TRNP1: variants seen among roughly 807,000 people sequenced by gnomAD.
TRNP1 encodes TMF1 regulated nuclear protein 1.
TRNP1 carries 16 observed loss-of-function variants against 12.2 expected under a neutral mutation model. The observed-to-expected ratio is 1.31, with a 90% confidence interval of 0.89 to 1.99. The LOEUF (loss-of-function observed/expected upper bound fraction) is 1.99, where lower values mean the gene tolerates loss of function less well. Ranked by LOEUF, TRNP1 falls within the 30% of genes most tolerant of loss-of-function variation. TRNP1 has a pLI of 0.00. For missense variants in TRNP1, 338 were observed against 330.4 expected (o/e 1.02, Z -0.18); for synonymous variants, 139 against 166.2 (o/e 0.84, Z 1.26).
chr1:26,996,479 A>G (rs1187758047), intron 1 of TRNP1, among the ~76,000 whole-genome samples: 4 of 152,326 alleles, frequency 2.6e-5, no homozygotes, highest in East Asian at 3.9e-4. Flanking sequence ...GAAGGGGGCA[A>G]TGCCATCCTC....
At chr1:26,997,947 G>A (rs1412879152) in intron 1 of TRNP1, among the ~76,000 whole-genome samples, 1 of 152,166 alleles carries the variant, frequency 6.6e-6, no homozygotes, top group Non-Finnish European at 1.5e-5. Flanking sequence ...AGCTGCAGGG[G>A]CCTGGGAGAA....
intron 1 of TRNP1, among the ~76,000 whole-genome samples, chr1:26,997,958 C>T (rs1229262992): frequency 6.6e-6 from 1 of 152,108 alleles, no homozygotes; most frequent in East Asian, 1.9e-4. Context: ...CCTGGGAGAA[C>T]GAGCAGGGTA....
rs946792352 is a variant in TRNP1 at position 26,994,137 on chromosome 1, G to A, written c.351G>A (p.Arg117=). ...GGCTGCTGGAGGTGGAGGGCCGCCGGCGCCTGGTGTCGGAGCTGGAGAGCC... is the reference window on the plus strand; with the variant it reads ...GGCTGCTGGAGGTGGAGGGCCGCCGACGCCTGGTGTCGGAGCTGGAGAGCC... ...RRRLLEVEGR[R]RLVSELESRV... Residue 117 remains arginine (R), a synonymous_variant, in exon 1 of 2, where the codon CGG becomes CGA. Coordinates refer to ENST00000522111, the MANE Select transcript of TRNP1 (RefSeq NM_001013642.3). The surrounding 1 kb of genome is among the most constrained non-coding windows in gnomAD (Gnocchi z 6.9). 8.0e-6 allele frequency: 10 copies of A among 1,247,732 alleles called. No individual in the cohort carries two copies. The Admixed American group carries it at 2.3e-4, about 29-fold the overall frequency. The allele number at this position is 1,247,732 out of a possible 1,614,324, so 77.3% of individuals were successfully genotyped here.
chr1:26,994,220 C>G lies in TRNP1; in HGVS notation c.434C>G (p.Ala145Gly). 1.6e-6 allele frequency: 2 copies of G among 1,273,930 alleles called. No individual in the cohort carries two copies. Among genetic ancestry groups the G allele is most frequent in the Non-Finnish European group, 2.0e-6 (2 of 1,006,188 alleles). The allele number at this position is 1,273,930 out of a possible 1,614,324, so 78.9% of individuals were successfully genotyped here. Residue 145 changes from alanine to glycine, a missense_variant, in exon 1 of 2, where the codon GCG becomes GGG. By Grantham distance (60) the Ala-to-Gly change is moderately conservative. Transcript: ENST00000522111. The surrounding 1 kb of genome is among the most constrained non-coding windows in gnomAD (Gnocchi z 6.9). Reference sequence around the variant, plus strand: ...GCCGAGCTGCGCCTGGCGCACCGCGCGGAGAGCCTGAGCCGCCTGAGCGGC... The same window carrying G: ...GCCGAGCTGCGCCTGGCGCACCGCGGGGAGAGCCTGAGCCGCCTGAGCGGC... The part of the protein sequence containing the change: ...LAAELRLAHR[A>G]ESLSRLSGGV...
In TRNP1 at chr1:26,994,545, G is replaced by T. The variant is rs1035827461; in HGVS notation, c.*75G>T. 9.6e-7 allele frequency: 1 copy of T among 1,039,350 alleles called. No individual in the cohort carries two copies. Among genetic ancestry groups the T allele is most frequent in the Non-Finnish European group, 1.2e-6 (1 of 854,102 alleles). 64.4% of individuals were successfully genotyped at this position (1,039,350 alleles called of 1,614,324 possible). ...GACCGACCGACTGATCGCGGACGCC[G>T]GCTGGAAGGACTACGGATCCGCAGG... On this transcript the variant is annotated 3_prime_UTR_variant, in exon 1 of 2. Transcript: ENST00000522111. This position sits in a 1 kb window ranked among gnomAD's most constrained non-coding sequence, Gnocchi z 6.9.
At position 26,995,589 on chromosome 1, in the gene TRNP1, CCTT is replaced by C. The variant is rs113140807; in HGVS notation, c.*142+985_*142+987del. 1.8e-3 allele frequency among the ~76,000 whole-genome samples: 274 copies of C among 152,336 alleles called. 2 individuals carry two copies. The highest frequency in any genetic ancestry group is 6.2e-3 in the African/African-American group (259 of 41,580). On this transcript the variant is annotated intron_variant, in intron 1 of 1. Transcript: ENST00000522111. ...GGTGACGTTAACCCAGGGCAGAGGTCCTTCTTCTTCCTCACTAAATCATGGAAA... is the reference window on the plus strand; with the variant it reads ...GGTGACGTTAACCCAGGGCAGAGGTCCTTCTTCCTCACTAAATCATGGAAA...
intron 1 of TRNP1, among the ~76,000 whole-genome samples, chr1:26,998,024 G>A (rs2082553903): frequency 6.6e-6 from 1 of 152,042 alleles, no homozygotes; most frequent in South Asian, 2.1e-4. Context: ...AGCTTCCTGG[G>A]TGGAGTGGGA....
chr1:26,998,583 G>A (rs936658566), intron 1 of TRNP1, among the ~76,000 whole-genome samples: 1 of 152,164 alleles, frequency 6.6e-6, no homozygotes, highest in Non-Finnish European at 1.5e-5. Flanking sequence ...AGCGGTGCAG[G>A]AGGAGGTATT....
Position 26,994,179 on chromosome 1 carries a change from C to T in TRNP1, c.393C>T (p.His131=). 7.7e-7 allele frequency: 1 copy of T among 1,301,174 alleles called. No individual in the cohort carries two copies. Among genetic ancestry groups the T allele is most frequent in the Non-Finnish European group, 9.8e-7 (1 of 1,019,928 alleles). The allele number at this position is 1,301,174 out of a possible 1,614,324, so 80.6% of individuals were successfully genotyped here. A position where few individuals can be genotyped will look rare whatever the true frequency, so the allele number is the denominator to read the frequency against. Residue 131 remains histidine (H), a synonymous_variant, in exon 1 of 2, where the codon CAC becomes CAT. Coordinates refer to ENST00000522111, the MANE Select transcript of TRNP1 (RefSeq NM_001013642.3). The surrounding 1 kb of genome is among the most constrained non-coding windows in gnomAD (Gnocchi z 6.9). The part of the protein sequence containing the change: ...SELESRVLQL[H]RVFLAAELRL... ...TGGAGAGCCGCGTGCTGCAGCTGCA[C>T]CGCGTTTTCTTGGCGGCCGAGCTGC... is the stretch of plus-strand genomic sequence containing the variant.
intron 1 of TRNP1, among the ~76,000 whole-genome samples, chr1:26,996,423 G>A (rs904200046): frequency 2.6e-5 from 4 of 152,200 alleles, no homozygotes; most frequent in Non-Finnish European, 5.9e-5. Context: ...GTTCAGGAGG[G>A]AGTCTCAGAG....
chr1:26,999,080 C>T (rs1255856186), intron 1 of TRNP1, among the ~76,000 whole-genome samples: 2 of 152,076 alleles, frequency 1.3e-5, no homozygotes, highest in Non-Finnish European at 2.9e-5. Context: ...GGGGGTGAGT[C>T]AGGCTGAGTC....
intron 1 of TRNP1, among the ~76,000 whole-genome samples, chr1:26,996,706 G>A (rs2082546917): frequency 6.6e-6 from 1 of 152,070 alleles, no homozygotes; most frequent in East Asian, 1.9e-4. Flanking sequence ...TCACAGTTTT[G>A]GCTTTCTCCA....
Position 26,994,117 on chromosome 1 carries a change from CT to C in TRNP1, c.332del (p.Leu111ArgfsTer38). ...LELAEARRRL[L>X]EVEGRRRLVS... ...GCTGGCCGAAGCACGGCGGCGGCTGCTGGAGGTGGAGGGCCGCCGGCGCCTG... is the reference window on the plus strand; with the variant it reads ...GCTGGCCGAAGCACGGCGGCGGCTGCGGAGGTGGAGGGCCGCCGGCGCCTG... On this transcript the variant is annotated frameshift_variant, in exon 1 of 2. Coordinates refer to ENST00000522111, the MANE Select transcript of TRNP1 (RefSeq NM_001013642.3). LOFTEE classifies it high-confidence loss of function. The surrounding 1 kb of genome is among the most constrained non-coding windows in gnomAD (Gnocchi z 6.9). 8.2e-7 allele frequency: 1 copy of C among 1,224,706 alleles called. No individual in the cohort carries two copies. Among genetic ancestry groups the C allele is most frequent in the Non-Finnish European group, 1.0e-6 (1 of 982,982 alleles). 75.9% of individuals were successfully genotyped at this position (1,224,706 alleles called of 1,614,324 possible).
intron 1 of TRNP1, among the ~76,000 whole-genome samples, chr1:26,997,877 T>C (rs1196630700): frequency 1.3e-5 from 2 of 152,122 alleles, no homozygotes; most frequent in African/African-American, 2.4e-5. Context: ...TTCAGTCCTT[T>C]ATTGTTCCTG....
Position 26,994,593 on chromosome 1 carries a change from G to C in TRNP1, c.*123G>C. ...AGGAAGAGGCAGTTGGGGGCCAGGGGCCCAGTAGAGGAGGCTGAGGTGCGG... is the reference window on the plus strand; with the variant it reads ...AGGAAGAGGCAGTTGGGGGCCAGGGCCCCAGTAGAGGAGGCTGAGGTGCGG... On this transcript the variant is annotated 3_prime_UTR_variant, in exon 1 of 2. Transcript: ENST00000522111. The surrounding 1 kb of genome is among the most constrained non-coding windows in gnomAD (Gnocchi z 6.9). The C allele has an allele frequency of 1.5e-5, 11 of 736,274 alleles. No individual in the cohort carries two copies. The highest frequency in any genetic ancestry group is 1.9e-5 in the Non-Finnish European group (11 of 588,910). 45.6% of individuals were successfully genotyped at this position (736,274 alleles called of 1,614,324 possible).
intron 1 of TRNP1, among the ~76,000 whole-genome samples, chr1:26,996,655 C>T (rs982264010): frequency 1.3e-5 from 2 of 152,106 alleles, no homozygotes; most frequent in African/African-American, 4.8e-5. Context: ...GCACTTGGTC[C>T]GGAGAAGCTT....
intron 1 of TRNP1, 46 bp from the exon 2 acceptor site, chr1:26,999,801 G>C (rs1428908741): frequency 6.6e-6 from 1 of 152,338 alleles, no homozygotes; most frequent in African/African-American, 2.4e-5. Context: ...GGGCTGGGTG[G>C]CTGTGGGAAA....
At chr1:26,999,470 A>T (rs528824911) in intron 1 of TRNP1, among the ~76,000 whole-genome samples, 36 of 152,322 alleles carry the variant, frequency 2.4e-4, no homozygotes, top group African/African-American at 8.2e-4. Context: ...GATGGAACCA[A>T]TTTGCCCAGC....
At position 26,993,974 on chromosome 1, in the gene TRNP1, G is replaced by A. The variant is rs993639407; in HGVS notation, c.188G>A (p.Gly63Asp). Residue 63 changes from glycine (G) to aspartate (D), a missense_variant, in exon 1 of 2, where the codon GGC (glycine) becomes GAC (aspartate). Transcript: ENST00000522111. ...PLPDAAGASA[G>D]AAEDQELQRW... ...CCGGACGCAGCTGGGGCTTCAGCAG[G>A]CGCGGCCGAGGACCAGGAGCTGCAG... is the stretch of plus-strand genomic sequence containing the variant. The A allele has an allele frequency of 7.6e-7, 1 of 1,319,948 alleles. No homozygotes were observed. The highest frequency in any genetic ancestry group is 9.6e-7 in the Non-Finnish European group (1 of 1,037,834). The allele number at this position is 1,319,948 out of a possible 1,614,324, so 81.8% of individuals were successfully genotyped here.
Sources: allele counts gnomAD v4.1 joint callset (sites outside exome capture counted in the v4.1 genomes callset), GRCh38; gene constraint gnomAD v4.1.1; non-coding constraint Gnocchi (gnomAD v3.1); transcripts MANE v1.5; gene names NCBI Gene and HGNC (gene_info 2026-07-23, HGNC 2026-07-21).